The following UGT1A10 variants were observed in gnomAD, a reference collection of about 807,000 sequenced individuals.
The protein encoded by UGT1A10 is UDP-glucuronosyltransferase 1A10.
A neutral mutation model predicts 45.8 loss-of-function variants in UGT1A10; 49 were observed. The observed-to-expected ratio is 1.07, with a 90% CI of 0.85 to 1.36. UGT1A10 has a LOEUF of 1.36. Ranked by LOEUF, UGT1A10 falls within the 40% of genes most tolerant of loss-of-function variation. The pLI, the probability that UGT1A10 is intolerant of heterozygous loss-of-function variation, is 0.00. For synonymous variants in UGT1A10, 284 were observed against 249.7 expected (o/e 1.14, Z -1.29); for missense variants, 745 against 668.6 (o/e 1.11, Z -1.26).
intron 1 of UGT1A10, among the ~76,000 whole-genome samples, chr2:233,662,115 A>G (rs2125489992): frequency 6.6e-6 from 1 of 152,342 alleles, no homozygotes; most frequent in South Asian, 2.1e-4. Context: ...TTAATGCTGC[A>G]AACTTACCTT....
Position 233,769,806 on chromosome 2 carries a change from G to T in UGT1A10, c.1295+1367G>T. The T allele has an allele frequency of 9.4e-7, 1 of 1,067,140 alleles. No homozygotes were observed. The highest frequency in any genetic ancestry group is 1.3e-6 in the Non-Finnish European group (1 of 792,912). The allele number at this position is 1,067,140 out of a possible 1,614,324, so 66.1% of individuals were successfully genotyped here. On this transcript the variant is annotated intron_variant, in intron 4 of 4. Transcript: ENST00000344644. The surrounding 1 kb of genome is among the most constrained non-coding windows in gnomAD (Gnocchi z 4.4). ...GAAGTTGGAGGCTGCTATGAGCCGT[G>T]ATCATGCCACTGCACTCCAGCAACC...
chr2:233,756,464 C>T (rs1262627096), intron 1 of UGT1A10: 3 of 151,912 alleles, frequency 2.0e-5, no homozygotes, highest in African/African-American at 7.3e-5. Context: ...TTTCAATCTG[C>T]TGTTGGCTGA....
At position 233,636,875 on chromosome 2, in the gene UGT1A10, A is replaced by G; in HGVS notation, c.353A>G (p.Asp118Gly). 6.2e-7 allele frequency: 1 copy of G among 1,614,032 alleles called. No homozygotes were observed. Among genetic ancestry groups the G allele is most frequent in the Non-Finnish European group, 8.5e-7 (1 of 1,179,996 alleles). Residue 118 changes from aspartate (D) to glycine (G), a missense_variant, in exon 1 of 5, where the codon GAC (aspartate) becomes GGC (glycine). Physicochemically the swap from Asp to Gly is moderately conservative, Grantham distance 94 (BLOSUM62 -1). Coordinates refer to ENST00000344644, the MANE Select transcript of UGT1A10 (RefSeq NM_019075.4). ...LLMSSSSGFL[D>G]LFFSHCRSLF... ...ATGAGTTCATCCAGTGGTTTTCTTG[A>G]CTTATTTTTTTCGCATTGCAGGAGT...
intron 1 of UGT1A10, among the ~76,000 whole-genome samples, chr2:233,712,558 G>C (rs1453709402): frequency 6.6e-6 from 1 of 152,210 alleles, no homozygotes; most frequent in Admixed American, 6.5e-5. Flanking sequence ...AGTATTAAGA[G>C]TTAGCAAATA....
intron 1 of UGT1A10, among the ~76,000 whole-genome samples, chr2:233,733,838 T>C (rs1373301962): frequency 1.3e-5 from 2 of 152,026 alleles, no homozygotes; most frequent in Non-Finnish European, 2.9e-5. Context: ...TTAGGGAGGA[T>C]TCCCTCTTTT....
chr2:233,717,800 C>T, intron 1 of UGT1A10: 1 of 456,072 alleles, frequency 2.2e-6, no homozygotes, highest in Non-Finnish European at 4.4e-6. Flanking sequence ...AAGTAGTGCC[C>T]CCACAAATTA....
chr2:233,664,152 C>T (rs1165094196), intron 1 of UGT1A10, among the ~76,000 whole-genome samples: 1 of 152,160 alleles, frequency 6.6e-6, no homozygotes, highest in Non-Finnish European at 1.5e-5. Context: ...CAAATAACTT[C>T]CTCATTTTCA....
At chr2:233,668,192 C>T (rs1021618844) in intron 1 of UGT1A10, among the ~76,000 whole-genome samples, 1 of 152,098 alleles carries the variant, frequency 6.6e-6, no homozygotes, top group Non-Finnish European at 1.5e-5. Context: ...TTTCCTAATG[C>T]TATCCCTCCC....
At chr2:233,738,159 T>C (rs1033238809) in intron 1 of UGT1A10, among the ~76,000 whole-genome samples, 2 of 152,228 alleles carry the variant, frequency 1.3e-5, no homozygotes, top group African/African-American at 4.8e-5. Context: ...GCTATTCCTC[T>C]TTCTCTCTTT....
chr2:233,670,785 G>A (rs1288900821), intron 1 of UGT1A10, among the ~76,000 whole-genome samples: 1 of 152,126 alleles, frequency 6.6e-6, no homozygotes, highest in Non-Finnish European at 1.5e-5. Flanking sequence ...GGTTCTGGGT[G>A]GCTAGGGGCA....
intron 1 of UGT1A10, among the ~76,000 whole-genome samples, chr2:233,695,554 A>G (rs1000632787): frequency 6.6e-6 from 1 of 151,596 alleles, no homozygotes; most frequent in Non-Finnish European, 1.5e-5. Flanking sequence ...AATTTTAACC[A>G]ACCATTTTCA....
In UGT1A10 at chr2:233,767,846, C is replaced by G. The variant is rs1699507381; in HGVS notation, c.988-3C>G. The G allele has an allele frequency of 6.2e-7, 1 of 1,614,014 alleles. No individual in the cohort carries two copies. Among genetic ancestry groups the G allele is most frequent in the Non-Finnish European group, 8.5e-7 (1 of 1,180,026 alleles). ...TACGTTCTGCTCTTTTTGCCCCTCC[C>G]AGGTCCTGTGGCGGTACACTGGAAC... On this transcript the variant is annotated splice_region_variant and splice_polypyrimidine_tract_variant and intron_variant, in intron 2 of 4. Coordinates refer to ENST00000344644, the MANE Select transcript of UGT1A10 (RefSeq NM_019075.4).
intron 1 of UGT1A10, among the ~76,000 whole-genome samples, chr2:233,749,222 T>C (rs1694145273): frequency 6.6e-6 from 1 of 151,946 alleles, no homozygotes; most frequent in Non-Finnish European, 1.5e-5. Context: ...CACTCTAAGC[T>C]TCATTTTTTA....
intron 1 of UGT1A10, among the ~76,000 whole-genome samples, chr2:233,732,817 G>A (rs1434078778): frequency 7.7e-6 from 1 of 130,138 alleles, no homozygotes; most frequent in Non-Finnish European, 1.6e-5. Flanking sequence ...GATTCCATAT[G>A]AACTTTAAAG....
At chr2:233,649,247 T>A (rs1210060479) in intron 1 of UGT1A10, among the ~76,000 whole-genome samples, 1 of 152,226 alleles carries the variant, frequency 6.6e-6, no homozygotes, top group East Asian at 1.9e-4. Flanking sequence ...TGCTCATAAT[T>A]TCCACTGCAT....
chr2:233,672,833 G>A, intron 1 of UGT1A10: 1 of 1,552,094 alleles, frequency 6.4e-7, no homozygotes, highest in Non-Finnish European at 8.7e-7. Context: ...CTTCACCTTT[G>A]GAAATTAAAA....
intron 1 of UGT1A10, among the ~76,000 whole-genome samples, chr2:233,723,452 C>G (rs2125693136): frequency 1.4e-5 from 2 of 138,456 alleles, no homozygotes; most frequent in African/African-American, 5.6e-5. Context: ...TCAGGTGATC[C>G]ACCCGCCTCA....
At chr2:233,693,920 C>G in intron 1 of UGT1A10, 1 of 1,611,066 alleles carries the variant, frequency 6.2e-7, no homozygotes, top group Non-Finnish European at 8.5e-7. Context: ...TCTGTCCTCC[C>G]TCACTCATTT....
chr2:233,767,788 G>C (rs527533927), intron 2 of UGT1A10, 61 bp from the exon 3 acceptor site: 33 of 1,613,882 alleles, frequency 2.0e-5, no homozygotes, highest in East Asian at 4.5e-5. Flanking sequence ...TAGTATAGCA[G>C]ATTTGTTTTC....
Sources: allele counts gnomAD v4.1 joint callset (sites outside exome capture counted in the v4.1 genomes callset), GRCh38; gene constraint gnomAD v4.1.1; non-coding constraint Gnocchi (gnomAD v3.1); transcripts MANE v1.5; gene names NCBI Gene and HGNC (gene_info 2026-07-23, HGNC 2026-07-21).